The following SPAG6 variants were observed in gnomAD, a reference collection of about 807,000 sequenced individuals.
SPAG6 encodes the protein sperm associated antigen 6.
In SPAG6, 49 loss-of-function variants were observed where a neutral mutation model predicts 58.5. The observed-to-expected ratio is 0.84, with a 90% CI of 0.67 to 1.06. SPAG6 has a LOEUF of 1.06. Ranked by LOEUF, SPAG6 falls within the 50% of genes least tolerant of loss-of-function variation. The pLI, the probability that SPAG6 is intolerant of heterozygous loss-of-function variation, is 0.00. For missense variants in SPAG6, 560 were observed against 611.3 expected, an observed-to-expected ratio of 0.92 and a Z score of 0.89; for synonymous variants, 233 against 225.6, an observed-to-expected ratio of 1.03 and a Z score of -0.29.
In SPAG6 at chr10:22,368,529, G is replaced by A. The variant is rs753354535; in HGVS notation, c.323G>A (p.Arg108Gln). The change falls in exon 4 of 11, where the codon CGA becomes CAA. Residue 108 changes from arginine (R) to glutamine (Q), a missense_variant. By Grantham distance (43) the Arg-to-Gln change is conservative. Coordinates refer to ENST00000376624, the MANE Select transcript of SPAG6 (RefSeq NM_012443.4). ...AAGAAAGCAGCTGCCTTTGTGTTAC[G>A]AGCAGTTGGTAAACATTCTCCCCAG... ...FYKKAAAFVLRAVGKHSPQLA... is the reference protein window; with the variant it reads ...FYKKAAAFVLQAVGKHSPQLA... 5.0e-6 allele frequency: 8 copies of A among 1,613,828 alleles called. No homozygotes were observed. Among genetic ancestry groups the A allele is most frequent in the South Asian group, 2.2e-5 (2 of 91,050 alleles).
chr10:22,411,281 A>T (rs796865339), intron 10 of SPAG6, 105 bp downstream of exon 10: 3 of 891,632 alleles, frequency 3.4e-6, no homozygotes, highest in Non-Finnish European at 3.4e-6. Flanking sequence ...TTGAAATACG[A>T]TGTGAGGCCA....
chr10:22,363,535 A>G (rs1837102291), intron 2 of SPAG6, among the ~76,000 whole-genome samples: 1 of 152,176 alleles, frequency 6.6e-6, no homozygotes, highest in Non-Finnish European at 1.5e-5. Context: ...TAGGCACGAA[A>G]CTAATGACTA....
chr10:22,400,209 C>A (rs945967868), intron 8 of SPAG6, among the ~76,000 whole-genome samples: 2 of 152,014 alleles, frequency 1.3e-5, no homozygotes, highest in Non-Finnish European at 2.9e-5. Flanking sequence ...TCCCAGAAGA[C>A]CAGGTTGGGT....
intron 2 of SPAG6, among the ~76,000 whole-genome samples, chr10:22,349,355 A>T (rs1421481089): frequency 6.6e-6 from 1 of 152,196 alleles, no homozygotes; most frequent in African/African-American, 2.4e-5. Context: ...TACCTCTTGC[A>T]GCTATTTAAA....
At chr10:22,400,461 T>C (rs989875109) in intron 8 of SPAG6, among the ~76,000 whole-genome samples, 1 of 151,946 alleles carries the variant, frequency 6.6e-6, no homozygotes, top group Non-Finnish European at 1.5e-5. Context: ...TCTCCACTTG[T>C]AGCAAGGGTC....
chr10:22,413,556 T>C (rs1039063135), intron 10 of SPAG6, among the ~76,000 whole-genome samples: 5 of 151,916 alleles, frequency 3.3e-5, no homozygotes, highest in African/African-American at 1.2e-4. Flanking sequence ...ATTAATCTAG[T>C]GCTTTGTCAA....
At chr10:22,346,472 C>CTTT (rs1554776471) in intron 2 of SPAG6, among the ~76,000 whole-genome samples, 2 of 140,478 alleles carry the variant, frequency 1.4e-5, no homozygotes, top group East Asian at 3.9e-4. Context: ...TCTTCTTCTT[C>CTTT]TTCTTCTTCT....
At chr10:22,350,037 A>G (rs569911748) in intron 2 of SPAG6, among the ~76,000 whole-genome samples, 1 of 152,116 alleles carries the variant, frequency 6.6e-6, no homozygotes, top group African/African-American at 2.4e-5. Context: ...TTCAAAGGAT[A>G]TTGAAACTGA....
At position 22,360,904 on chromosome 10, in the gene SPAG6, C is replaced by T. The variant is rs776076921; in HGVS notation, c.122-3949C>T. Reference sequence around the variant, plus strand: ...TTCTTTTTATTTCCTTCCTTCCTTCCTTCCTTCCATTGTCACCATTTTTAT... The same window carrying T: ...TTCTTTTTATTTCCTTCCTTCCTTCTTTCCTTCCATTGTCACCATTTTTAT... On this transcript the variant is annotated intron_variant, in intron 2 of 10. Transcript: ENST00000376624. The T allele has an allele frequency of 5.5e-6, 6 of 1,090,356 alleles. No individual in the cohort carries two copies. In the South Asian group the frequency reaches 8.1e-5, roughly 15 times the overall value. The allele number at this position is 1,090,356 out of a possible 1,614,324, so 67.5% of individuals were successfully genotyped here.
intron 4 of SPAG6, among the ~76,000 whole-genome samples, chr10:22,375,585 C>CTT (rs928312845): frequency 9.5e-5 from 12 of 126,180 alleles, no homozygotes; most frequent in Non-Finnish European, 1.2e-4. Flanking sequence ...AAAGGATTTT[C>CTT]TTTTTTTTTT....
chr10:22,380,079 G>C (rs1364942240), intron 4 of SPAG6, among the ~76,000 whole-genome samples: 1 of 151,720 alleles, frequency 6.6e-6, no homozygotes, highest in East Asian at 1.9e-4. Flanking sequence ...CCGGAGTGAG[G>C]CACTGCGCCT....
At chr10:22,346,029 C>T (rs777725536) in intron 2 of SPAG6, 66 of 1,543,098 alleles carry the variant, frequency 4.3e-5, no homozygotes, top group Non-Finnish European at 5.6e-5. Flanking sequence ...TCCCTGTTTC[C>T]ATCTTCATTG....
intron 4 of SPAG6, among the ~76,000 whole-genome samples, chr10:22,378,252 C>T (rs1464700284): frequency 5.9e-5 from 9 of 151,266 alleles, no homozygotes; most frequent in Non-Finnish European, 7.4e-5. Context: ...TTAGTAGAGA[C>T]GGGGTTTCAC....
intron 2 of SPAG6, among the ~76,000 whole-genome samples, chr10:22,362,232 T>C (rs529714933): frequency 7.6e-4 from 113 of 148,316 alleles, no homozygotes; most frequent in African/African-American, 2.7e-3. Context: ...TATATATCTA[T>C]ATATTTCCCC....
At chr10:22,378,270 G>A (rs1292710128) in intron 4 of SPAG6, among the ~76,000 whole-genome samples, 3 of 151,870 alleles carry the variant, frequency 2.0e-5, no homozygotes, top group Middle Eastern at 6.8e-3. Context: ...CACTATGTTG[G>A]CCAGGTTAGT....
In SPAG6 at chr10:22,345,873, T is replaced by G. The variant is rs1483520799; in HGVS notation, c.121+55T>G. 1 of 1,582,082 alleles carries G rather than the reference T, an allele frequency of 6.3e-7. No individual in the cohort carries two copies. The highest frequency in any genetic ancestry group is 8.6e-7 in the Non-Finnish European group (1 of 1,164,572). On this transcript the variant is annotated intron_variant, in intron 2 of 10. Coordinates refer to ENST00000376624, the MANE Select transcript of SPAG6 (RefSeq NM_012443.4). This position sits in a 1 kb window ranked among gnomAD's most constrained non-coding sequence, Gnocchi z 6.3. Reference sequence around the variant, plus strand: ...CCCCGCGCACTGAGTCCCCGACGCCTCCGCCCCGCTGCCCTGCCCGTGGAG... The same window carrying G: ...CCCCGCGCACTGAGTCCCCGACGCCGCCGCCCCGCTGCCCTGCCCGTGGAG...
At chr10:22,382,614 G>T (rs1266113486) in intron 4 of SPAG6, among the ~76,000 whole-genome samples, 1 of 152,116 alleles carries the variant, frequency 6.6e-6, no homozygotes. Flanking sequence ...AGTGATAGAG[G>T]CAGGATGAAG....
chr10:22,372,192 A>C (rs115427413), intron 4 of SPAG6, among the ~76,000 whole-genome samples: 3,287 of 151,998 alleles, frequency 0.022, 114 homozygotes, highest in African/African-American at 0.076. Context: ...GTTCTCTTTT[A>C]TTATTAGCTA....
chr10:22,377,853 G>A (rs1293930987), intron 4 of SPAG6, among the ~76,000 whole-genome samples: 1 of 152,188 alleles, frequency 6.6e-6, no homozygotes, highest in Non-Finnish European at 1.5e-5. Flanking sequence ...ATCAGATTGT[G>A]CTCCTTGAAG....
Sources: allele counts gnomAD v4.1 joint callset (sites outside exome capture counted in the v4.1 genomes callset), GRCh38; gene constraint gnomAD v4.1.1; non-coding constraint Gnocchi (gnomAD v3.1); transcripts MANE v1.5; gene names NCBI Gene and HGNC (gene_info 2026-07-23, HGNC 2026-07-21).